Variants in PIKFYVE observed in about 807,000 individuals in gnomAD.
PIKFYVE encodes phosphoinositide kinase, FYVE-type zinc finger containing, also known as 1-phosphatidylinositol 3-phosphate 5-kinase.
PIKFYVE carries 122 observed loss-of-function variants against 257.9 expected under a neutral mutation model. The observed-to-expected ratio is 0.47, with a 90% CI of 0.41 to 0.55. The LOEUF (loss-of-function observed/expected upper bound fraction) is 0.55. Among genes scored for constraint, PIKFYVE ranks in the 20% least tolerant of loss-of-function variants. PIKFYVE has a pLI of 0.00. For missense variants in PIKFYVE, 2,160 were observed against 2,536.6 expected (o/e 0.85, Z 3.19); for synonymous variants, 892 against 868.9 (o/e 1.03, Z -0.47).
Position 208,348,264 on chromosome 2 carries a change from G to A in PIKFYVE, c.5374+241G>A, listed in dbSNP as rs79232126. Among the ~76,000 whole-genome samples the A allele has an allele frequency of 2.0e-3, 298 of 152,202 alleles. 2 individuals carry two copies. The East Asian group carries it at 0.027, about 14-fold the overall frequency. On this transcript the variant is annotated intron_variant, in intron 35 of 41. Coordinates refer to ENST00000264380, the MANE Select transcript of PIKFYVE (RefSeq NM_015040.4). Reference sequence around the variant, plus strand: ...ATCAGAAATCTTTAGTTTCCATAACGTGTAAAGTGGCAAAAACAATGTCTT... The same window carrying A: ...ATCAGAAATCTTTAGTTTCCATAACATGTAAAGTGGCAAAAACAATGTCTT...
intron 38 of PIKFYVE, 101 bp from the exon 39 acceptor site, chr2:208,352,553 A>G: frequency 1.4e-6 from 2 of 1,383,122 alleles, no homozygotes; most frequent in Non-Finnish European, 2.0e-6. Context: ...TCATATTAAT[A>G]GAAAATTATG....
At chr2:208,317,572 C>T (rs922253449) in intron 15 of PIKFYVE, among the ~76,000 whole-genome samples, 1 of 152,002 alleles carries the variant, frequency 6.6e-6, no homozygotes, top group Non-Finnish European at 1.5e-5. Context: ...GTGCTTTTTC[C>T]CTATGATATT....
rs1700304990 is a variant in PIKFYVE, at chr2:208,358,715, G to A, written c.*3410G>A. Reference sequence around the variant, plus strand: ...TTTGGAGACTTGTACTGTAAATAAAGAAATCTTAACAATAAACTCAGAATC... The same window carrying A: ...TTTGGAGACTTGTACTGTAAATAAAAAAATCTTAACAATAAACTCAGAATC... On this transcript the variant is annotated 3_prime_UTR_variant, in exon 42 of 42. Transcript: ENST00000264380. 1 of 152,542 alleles carries A rather than the reference G, an allele frequency of 6.6e-6. No individual in the cohort carries two copies. Among genetic ancestry groups the A allele is most frequent in the Non-Finnish European group, 1.5e-5 (1 of 68,028 alleles). 9.4% of individuals were successfully genotyped at this position (152,542 alleles called of 1,614,324 possible).
At chr2:208,305,533 T>A in intron 12 of PIKFYVE, 1 of 814,984 alleles carries the variant, frequency 1.2e-6, no homozygotes, top group Non-Finnish European at 1.5e-6. Flanking sequence ...TAAAACAATT[T>A]CTTCTCTAAT....
Position 208,356,754 on chromosome 2 carries a change from A to G in PIKFYVE, c.*1449A>G, listed in dbSNP as rs1041670069. 3 of 152,642 alleles carry G rather than the reference A, an allele frequency of 2.0e-5. No homozygotes were observed. Among genetic ancestry groups the G allele is most frequent in the Admixed American group, 6.5e-5 (1 of 15,280 alleles). 9.5% of individuals were successfully genotyped at this position (152,642 alleles called of 1,614,324 possible). ...AAAAAGTGATCAGAAGTAGTAAACT[A>G]TCTTTGAGGAAATACTGTAACCCCA... On this transcript the variant is annotated 3_prime_UTR_variant, in exon 42 of 42. Coordinates refer to ENST00000264380, the MANE Select transcript of PIKFYVE (RefSeq NM_015040.4).
At chr2:208,297,769 T>A (rs1693168516) in intron 7 of PIKFYVE, among the ~76,000 whole-genome samples, 1 of 152,166 alleles carries the variant, frequency 6.6e-6, no homozygotes, top group South Asian at 2.1e-4. Context: ...TTGGGTTTAA[T>A]TTTTTTCTAG....
At chr2:208,282,764 T>C (rs1440281010) in intron 5 of PIKFYVE, among the ~76,000 whole-genome samples, 1 of 152,186 alleles carries the variant, frequency 6.6e-6, no homozygotes, top group Non-Finnish European at 1.5e-5. Flanking sequence ...TGGGATAATA[T>C]AGTGGTCTCC....
intron 6 of PIKFYVE, 71 bp downstream of exon 6, chr2:208,286,004 T>C (rs1691525232): frequency 7.1e-7 from 1 of 1,411,544 alleles, no homozygotes; most frequent in African/African-American, 1.4e-5. Context: ...TTGAGTGCTT[T>C]CAGTTAACAC....
chr2:208,285,071 GTTTT>G (rs1691374968), intron 5 of PIKFYVE, among the ~76,000 whole-genome samples: 1 of 956 alleles, frequency 1.0e-3, no homozygotes, highest in Non-Finnish European at 2.5e-3. Flanking sequence ...TATACATTTT[GTTTT>G]GTTTTGTTTT....
chr2:208,348,252 A>G (rs1699422098), intron 35 of PIKFYVE, among the ~76,000 whole-genome samples: 1 of 152,170 alleles, frequency 6.6e-6, no homozygotes, highest in African/African-American at 2.4e-5. Context: ...AGAAATCTTT[A>G]GTTTCCATAA....
intron 8 of PIKFYVE, among the ~76,000 whole-genome samples, chr2:208,299,496 G>A (rs973966718): frequency 2.0e-5 from 3 of 151,920 alleles, no homozygotes; most frequent in African/African-American, 7.3e-5. Flanking sequence ...CACAGTGTTG[G>A]TCAGGATGGT....
Position 208,330,017 on chromosome 2 carries a change from T to C in PIKFYVE, c.3791+104T>C, listed in dbSNP as rs1574660105. On this transcript the variant is annotated intron_variant, in intron 22 of 41. Transcript: ENST00000264380. ...CGGATGTTAAGTGACTGTTACATGA[T>C]CCTCACTTTCATAGTGCATATCAGA... 10 of 1,464,522 alleles carry C rather than the reference T, an allele frequency of 6.8e-6. No homozygotes were observed. In the East Asian group the frequency reaches 2.4e-4, roughly 35 times the overall value. The allele number at this position is 1,464,522 out of a possible 1,614,324, so 90.7% of individuals were successfully genotyped here.
At chr2:208,305,835 T>C (rs1239606756) in intron 12 of PIKFYVE, among the ~76,000 whole-genome samples, 1 of 152,208 alleles carries the variant, frequency 6.6e-6, no homozygotes, top group East Asian at 1.9e-4. Flanking sequence ...GATTTTGTTA[T>C]GTTGTAATAA....
At chr2:208,314,831 G>A (rs895834016) in intron 14 of PIKFYVE, among the ~76,000 whole-genome samples, 5 of 152,098 alleles carry the variant, frequency 3.3e-5, no homozygotes, top group Non-Finnish European at 7.4e-5. Flanking sequence ...AAGAGGCGGA[G>A]GTTGCAGTGA....
In PIKFYVE at chr2:208,290,884, C is replaced by G. The variant is rs181210460; in HGVS notation, c.911+2066C>G. ...GTATCCTGCCACCTTGCTATAATCA[C>G]TTACTAATTTCAGGAGTTCGTTAGT... is the stretch of plus-strand genomic sequence containing the variant. On this transcript the variant is annotated intron_variant, in intron 7 of 41. Coordinates refer to ENST00000264380, the MANE Select transcript of PIKFYVE (RefSeq NM_015040.4). Among the ~76,000 whole-genome samples, 54 of 152,302 alleles carry G rather than the reference C, an allele frequency of 3.5e-4. No homozygotes were observed. The East Asian group carries it at 9.4e-3, about 27-fold the overall frequency.
At chr2:208,350,993 T>C in intron 37 of PIKFYVE, 46 bp downstream of exon 37, 2 of 1,606,748 alleles carry the variant, frequency 1.2e-6, no homozygotes, top group Non-Finnish European at 8.5e-7. Flanking sequence ...AGTCTTCATC[T>C]CTTTACCTCA....
intron 12 of PIKFYVE, among the ~76,000 whole-genome samples, chr2:208,306,049 A>T (rs1342388791): frequency 6.6e-6 from 1 of 152,240 alleles, no homozygotes; most frequent in Non-Finnish European, 1.5e-5. Context: ...TACTAAAATG[A>T]TTTGATACAA....
At chr2:208,294,412 G>A (rs1482153130) in intron 7 of PIKFYVE, among the ~76,000 whole-genome samples, 2 of 152,234 alleles carry the variant, frequency 1.3e-5, no homozygotes, top group Admixed American at 6.5e-5. Context: ...GCCTGTTTCG[G>A]ATGCTTGTTC....
rs757188626 is a variant in PIKFYVE, at chr2:208,338,538, A to G, written c.4642A>G (p.Ile1548Val). Residue 1548 changes from isoleucine (I) to valine (V), a missense_variant, in exon 29 of 42, where the codon ATT becomes GTT. Transcript: ENST00000264380. ...ISAMDASPRN[I>V]SPGLQNGEKE... ...TGCGATGGATGCATCTCCACGGAAT[A>G]TTTCTCCAGGACTTCAGAATGGAGA... 3.7e-6 allele frequency: 6 copies of G among 1,613,450 alleles called. No individual in the cohort carries two copies. In the Admixed American group the frequency reaches 6.7e-5, roughly 18 times the overall value.
Sources: gnomAD v4.1 joint callset for allele counts (sites outside exome capture counted in the v4.1 genomes callset) on GRCh38, gnomAD v4.1.1 for gene constraint, MANE v1.5 for transcripts, NCBI Gene and HGNC (gene_info 2026-07-23, HGNC 2026-07-21) for gene names.